The following AGAP1 variants were observed in gnomAD, a reference collection of about 807,000 sequenced individuals.
AGAP1 encodes ArfGAP with GTPase domain, ankyrin repeat and PH domain 1.
A neutral mutation model predicts 105.3 loss-of-function variants in AGAP1; 29 were observed. The ratio of observed to expected loss-of-function variants is 0.28; its 90% CI spans 0.21 to 0.38. AGAP1 has a LOEUF of 0.38. Ranked by LOEUF, AGAP1 falls within the 10% of genes least tolerant of loss-of-function variation. The pLI is 1.00. For synonymous variants in AGAP1, 509 were observed against 485.9 expected, an observed-to-expected ratio of 1.05 and a Z score of -0.63; for missense variants, 998 against 1,165.1, an observed-to-expected ratio of 0.86 and a Z score of 2.09.
chr2:235,892,817 T>G (rs1374378154), intron 10 of AGAP1, among the ~76,000 whole-genome samples: 1 of 152,188 alleles, frequency 6.6e-6, no homozygotes, highest in African/African-American at 2.4e-5. Flanking sequence ...AACTTTTCAC[T>G]GGTTTCCCCA....
At chr2:235,735,384 G>A (rs188110773) in intron 3 of AGAP1, among the ~76,000 whole-genome samples, 11 of 152,094 alleles carry the variant, frequency 7.2e-5, no homozygotes, top group African/African-American at 2.7e-4. Context: ...CTCCCTCTCC[G>A]ACTTGTCTCT....
chr2:235,678,994 GCACAGC>G (rs1164111399), intron 1 of AGAP1, among the ~76,000 whole-genome samples: 2 of 152,220 alleles, frequency 1.3e-5, no homozygotes, highest in Non-Finnish European at 2.9e-5. Context: ...TTCTCCCTGT[GCACAGC>G]CAGCCTTGAC....
At chr2:235,978,140 A>G (rs1252640881) in intron 13 of AGAP1, among the ~76,000 whole-genome samples, 1 of 152,082 alleles carries the variant, frequency 6.6e-6, no homozygotes, top group Non-Finnish European at 1.5e-5. Context: ...TCACCTCCCA[A>G]AGGCCCAGTC....
chr2:235,514,310 G>A (rs543421839), intron 1 of AGAP1, among the ~76,000 whole-genome samples: 1 of 152,326 alleles, frequency 6.6e-6, no homozygotes, highest in East Asian at 1.9e-4. Context: ...AGCTCACTAG[G>A]GCTTTTAGAA....
Position 235,494,801 on chromosome 2 carries a change from G to A in AGAP1, c.115G>A (p.Glu39Lys). 1 of 1,585,078 alleles carries A rather than the reference G, an allele frequency of 6.3e-7. No individual in the cohort carries two copies. The highest frequency in any genetic ancestry group is 8.6e-7 in the Non-Finnish European group (1 of 1,165,604). Residue 39 changes from glutamate to lysine, a missense_variant, in exon 1 of 18, where the codon GAG becomes AAG. Around this residue, in one of 3 missense-constraint regions of AGAP1, gnomAD observed 735 missense variants for 833.4 expected, o/e 0.88. Coordinates refer to ENST00000304032, the MANE Select transcript of AGAP1 (RefSeq NM_001037131.3). ...CTACGAGCTGCTGGAGCGCGTGGAG[G>A]AGCCGGTGCTGCAGAACCAGATCCG... The part of the protein sequence containing the change: ...SIYELLERVE[E>K]PVLQNQIREH...
In AGAP1 at chr2:235,928,234, C is replaced by T. The variant is rs187264665; in HGVS notation, c.1325-2531C>T. ...CTGCTCAGAATTCACGTGATGAAAG[C>T]GGAACCAGGCCAGGGAAGCCCCGGC... is the stretch of plus-strand genomic sequence containing the variant. On this transcript the variant is annotated intron_variant, in intron 11 of 17. Coordinates refer to ENST00000304032, the MANE Select transcript of AGAP1 (RefSeq NM_001037131.3). Among the ~76,000 whole-genome samples, 520 of 152,276 alleles carry T rather than the reference C, an allele frequency of 3.4e-3. 3 individuals are homozygous for T. The South Asian group carries it at 0.04, about 12-fold the overall frequency.
At position 235,982,027 on chromosome 2, in the gene AGAP1, A is replaced by G. The variant is rs147302690; in HGVS notation, c.1645+13404A>G. Among the ~76,000 whole-genome samples, 447 of 152,328 alleles carry G rather than the reference A, an allele frequency of 2.9e-3. 1 individual carries two copies. Among genetic ancestry groups the G allele is most frequent in the Non-Finnish European group, 4.9e-3 (331 of 68,030 alleles). Reference sequence around the variant, plus strand: ...TTTAATAAGTTAATATTCCAACCATAAAAACTTCTGACATTTTACCCGAGG... The same window carrying G: ...TTTAATAAGTTAATATTCCAACCATGAAAACTTCTGACATTTTACCCGAGG... On this transcript the variant is annotated intron_variant, in intron 13 of 17. Coordinates refer to ENST00000304032, the MANE Select transcript of AGAP1 (RefSeq NM_001037131.3). This position sits in a 1 kb window ranked among gnomAD's most constrained non-coding sequence, Gnocchi z 4.9.
In AGAP1 at chr2:235,612,692, G is replaced by T. The variant is rs1425919538; in HGVS notation, c.164-96487G>T. On this transcript the variant is annotated intron_variant, in intron 1 of 17. Transcript: ENST00000304032. This position sits in a 1 kb window ranked among gnomAD's most constrained non-coding sequence, Gnocchi z 4.3. ...TGACCAGCGCATCCAGGGTTGCTTG[G>T]GCACAGTGGTCCTTTTGCATGGGGT... 6.6e-6 allele frequency among the ~76,000 whole-genome samples: 1 copy of T among 151,980 alleles called. No homozygotes were observed. The highest frequency in any genetic ancestry group is 2.1e-4 in the South Asian group (1 of 4,822).
chr2:235,654,032 G>C (rs1947696592), intron 1 of AGAP1, among the ~76,000 whole-genome samples: 1 of 152,220 alleles, frequency 6.6e-6, no homozygotes, highest in Non-Finnish European at 1.5e-5. Flanking sequence ...CTCCAGCCTG[G>C]GTGACAGAGT....
intron 16 of AGAP1, among the ~76,000 whole-genome samples, chr2:236,065,691 A>G (rs903423638): frequency 1.3e-4 from 20 of 152,172 alleles, no homozygotes; most frequent in African/African-American, 4.3e-4. Flanking sequence ...GGAACACATC[A>G]TCTCCATCAT....
At position 236,062,006 on chromosome 2, in the gene AGAP1, C is replaced by T. The variant is rs982072976; in HGVS notation, c.2114+12725C>T. 2.0e-5 allele frequency among the ~76,000 whole-genome samples: 3 copies of T among 152,092 alleles called. 1 individual carries two copies. Among genetic ancestry groups the T allele is most frequent in the Admixed American group, 1.3e-4 (2 of 15,260 alleles). ...GGGTGGCGGGGGCCTGGGTGCGGGC[C>T]GAGGGCTGGCGTGGCTGCCCCTCCT... On this transcript the variant is annotated intron_variant, in intron 16 of 17. Coordinates refer to ENST00000304032, the MANE Select transcript of AGAP1 (RefSeq NM_001037131.3). This position sits in a 1 kb window ranked among gnomAD's most constrained non-coding sequence, Gnocchi z 4.2.
chr2:236,044,056 A>G lies in AGAP1; in HGVS notation c.1891+3215A>G, dbSNP rs2057641679. Among the ~76,000 whole-genome samples the G allele has an allele frequency of 6.6e-6, 1 of 152,156 alleles. No individual in the cohort carries two copies. Among genetic ancestry groups the G allele is most frequent in the African/African-American group, 2.4e-5 (1 of 41,434 alleles). ...GGGCACATCCCAGAGCACTGTTTCC[A>G]GAGTGGACGCTGAGCCTCTGGAGCT... On this transcript the variant is annotated intron_variant, in intron 15 of 17. Transcript: ENST00000304032. The surrounding 1 kb of genome is among the most constrained non-coding windows in gnomAD (Gnocchi z 5.7).
Position 235,559,377 on chromosome 2 carries a change from G to A in AGAP1, c.163+64528G>A, listed in dbSNP as rs543319708. ...ATCGGCTTCTCTGTGGCAAGCCAGA[G>A]GCGTCTGTGATGAGCGCCTGCAGAC... On this transcript the variant is annotated intron_variant, in intron 1 of 17. Coordinates refer to ENST00000304032, the MANE Select transcript of AGAP1 (RefSeq NM_001037131.3). This position sits in a 1 kb window ranked among gnomAD's most constrained non-coding sequence, Gnocchi z 5.7. Among the ~76,000 whole-genome samples the A allele has an allele frequency of 5.9e-5, 9 of 152,322 alleles. No homozygotes were observed. In the East Asian group the frequency reaches 1.7e-3, roughly 29 times the overall value.
intron 1 of AGAP1, among the ~76,000 whole-genome samples, chr2:235,606,944 T>TG (rs1237209527): frequency 4.0e-5 from 4 of 100,136 alleles, no homozygotes; most frequent in African/African-American, 1.3e-4. Context: ...GACTGCCTCT[T>TG]GAAAAAAAAA....
In AGAP1 at chr2:235,685,373, T is replaced by C. The variant is rs140832771; in HGVS notation, c.164-23806T>C. Among the ~76,000 whole-genome samples, 371 of 151,934 alleles carry C rather than the reference T, an allele frequency of 2.4e-3. 9 individuals are homozygous for C. In the East Asian group the frequency reaches 0.065, roughly 26 times the overall value. On this transcript the variant is annotated intron_variant, in intron 1 of 17. Transcript: ENST00000304032. The stretch of plus-strand genomic sequence containing the variant: ...CTCTCTGGGTCACACTGAGCCCTGC[T>C]GATCCCCCTCCTGTGTGGCTGCCTC...
chr2:235,712,261 G>A lies in AGAP1; in HGVS notation c.222+3024G>A, dbSNP rs572059989. Among the ~76,000 whole-genome samples the A allele has an allele frequency of 6.6e-5, 10 of 152,254 alleles. No individual in the cohort carries two copies. The highest frequency in any genetic ancestry group is 2.0e-4 in the Admixed American group (3 of 15,304). ...GCTCAAACTCCTGACCTCGTCATCC[G>A]CCTGCCTTGGCCTCCCAAAGTGCTG... is the stretch of plus-strand genomic sequence containing the variant. On this transcript the variant is annotated intron_variant, in intron 2 of 17. Transcript: ENST00000304032. This position sits in a 1 kb window ranked among gnomAD's most constrained non-coding sequence, Gnocchi z 6.0.
At chr2:235,773,195 T>A (rs1456771275) in intron 6 of AGAP1, among the ~76,000 whole-genome samples, 1 of 152,146 alleles carries the variant, frequency 6.6e-6, no homozygotes, top group Non-Finnish European at 1.5e-5. Flanking sequence ...GGTTTAAATA[T>A]CCTCTAGAGG....
Position 235,626,763 on chromosome 2 carries a change from A to G in AGAP1, c.164-82416A>G, listed in dbSNP as rs543760026. Among the ~76,000 whole-genome samples the G allele has an allele frequency of 1.1e-3, 175 of 152,322 alleles. 1 individual carries two copies. Among genetic ancestry groups the G allele is most frequent in the Middle Eastern group, 6.8e-3 (2 of 294 alleles). On this transcript the variant is annotated intron_variant, in intron 1 of 17. Coordinates refer to ENST00000304032, the MANE Select transcript of AGAP1 (RefSeq NM_001037131.3). ...TTCCAGAATGGGCTGGATGGTGACTATTTTAGGTTTTGAGGATGGTACCGT... is the reference window on the plus strand; with the variant it reads ...TTCCAGAATGGGCTGGATGGTGACTGTTTTAGGTTTTGAGGATGGTACCGT...
intron 1 of AGAP1, among the ~76,000 whole-genome samples, chr2:235,679,497 A>T (rs921149281): frequency 1.6e-4 from 24 of 152,248 alleles, no homozygotes; most frequent in African/African-American, 5.3e-4. Flanking sequence ...AAAATTATTG[A>T]CCACTGTTAC....
Sources: gnomAD v4.1 joint callset for allele counts (sites outside exome capture counted in the v4.1 genomes callset) on GRCh38, gnomAD v4.1.1 for gene constraint, gnomAD v4.1.1 regional missense constraint, Gnocchi (gnomAD v3.1) non-coding constraint, MANE v1.5 for transcripts, NCBI Gene and HGNC (gene_info 2026-07-23, HGNC 2026-07-21) for gene names.